EEF1A1: variants seen among roughly 807,000 people sequenced by gnomAD.
The protein encoded by EEF1A1 is elongation factor 1-alpha 1.
EEF1A1 carries 1 observed loss-of-function variant against 38.5 expected under a neutral mutation model. The observed-to-expected ratio is 0.03, with a 90% CI of 0.01 to 0.12. EEF1A1 has a LOEUF of 0.12. Ranked by LOEUF, EEF1A1 falls within the 10% of genes least tolerant of loss-of-function variation. The pLI is 1.00. For synonymous variants in EEF1A1, 229 were observed against 203.7 expected (o/e 1.12, Z -1.06); for missense variants, 184 against 588.3 (o/e 0.31, Z 7.11).
Position 73,519,448 on chromosome 6 carries a change from G to A in EEF1A1, c.213C>T (p.Ile71=), listed in dbSNP as rs764885926. 5.0e-6 allele frequency: 8 copies of A among 1,602,832 alleles called. No homozygotes were observed. Among genetic ancestry groups the A allele is most frequent in the Non-Finnish European group, 1.7e-6 (2 of 1,179,538 alleles). Reference sequence around the variant, plus strand: ...ATTTCCACAAGGAGATATCAATGGTGATACCACGTTCACGCTCAGCTTTCA... The same window carrying A: ...ATTTCCACAAGGAGATATCAATGGTAATACCACGTTCACGCTCAGCTTTCA... ...DKLKAERERG[I]TIDISLWKFE... is the part of the protein sequence containing the mutation. The change falls in exon 3 of 8, where the codon ATC becomes ATT. Residue 71 remains isoleucine (I), a synonymous_variant. Transcript: ENST00000309268.
intron 2 of EEF1A1, 132 bp from the exon 3 acceptor site, chr6:73,519,648 T>C (rs1327378328): frequency 9.8e-6 from 12 of 1,223,242 alleles, no homozygotes; most frequent in Non-Finnish European, 1.4e-5. Flanking sequence ...CACTTTGGGT[T>C]ACAGAAGCAA....
At chr6:73,520,778 A>AT (rs1711093987) in intron 1 of EEF1A1, 1 of 152,358 alleles carries the variant, frequency 6.6e-6, no homozygotes, top group Admixed American at 6.5e-5. Flanking sequence ...GTGCCACCAG[A>AT]TTCGCACGCG....
In EEF1A1 at chr6:73,519,531, A is replaced by T. The variant is rs755440209; in HGVS notation, c.145-15T>A. ...CCCTTTCCCATCTGTAAGGATTAAG[A>T]GTCGTTACTTGGTTACTAAAACACA... On this transcript the variant is annotated splice_polypyrimidine_tract_variant and intron_variant, in intron 2 of 7. Transcript: ENST00000309268. The T allele has an allele frequency of 3.2e-6, 5 of 1,579,338 alleles. No individual in the cohort carries two copies. The highest frequency in any genetic ancestry group is 4.3e-6 in the Non-Finnish European group (5 of 1,167,290).
rs188709185 is a variant in EEF1A1 at position 73,519,299 on chromosome 6, T to C, written c.324+38A>G. ...AAAACCAGTGTACAAAGCAAGCCTT[T>C]TGGGATAAAGAAACCTAGAATTATT... is the stretch of plus-strand genomic sequence containing the variant. On this transcript the variant is annotated intron_variant, in intron 3 of 7. Transcript: ENST00000309268. The C allele has an allele frequency of 4.5e-4, 723 of 1,606,838 alleles. 7 individuals carry two copies. Among genetic ancestry groups the C allele is most frequent in the East Asian group, 6.7e-5 (3 of 44,704 alleles).
rs1339491409 is a variant in EEF1A1, at chr6:73,516,831, C to T, written c.*979G>A. ...AAGTGGGCTATTACACCTGTTAAGC[C>T]TATTACCATGTAGTTTCATTCCTAG... On this transcript the variant is annotated 3_prime_UTR_variant, in exon 8 of 8. Transcript: ENST00000309268. 6.6e-6 allele frequency: 1 copy of T among 152,150 alleles called. No individual in the cohort carries two copies. The highest frequency in any genetic ancestry group is 2.4e-5 in the African/African-American group (1 of 41,436). 9.4% of individuals were successfully genotyped at this position (152,150 alleles called of 1,614,324 possible).
chr6:73,517,107 CTTA>C lies in EEF1A1; in HGVS notation c.*700_*702del, dbSNP rs1765537536. 6.6e-6 allele frequency: 1 copy of C among 152,260 alleles called. No homozygotes were observed. The highest frequency in any genetic ancestry group is 2.4e-5 in the African/African-American group (1 of 41,452). The allele number at this position is 152,260 out of a possible 1,614,324, so 9.4% of individuals were successfully genotyped here. Reference sequence around the variant, plus strand: ...TGTACACTAGCCACTACACTTATTTCTTATGTCATGGCAAATAGTCAACTTTCA... The same window carrying C: ...TGTACACTAGCCACTACACTTATTTCTGTCATGGCAAATAGTCAACTTTCA... On this transcript the variant is annotated 3_prime_UTR_variant, in exon 8 of 8. Coordinates refer to ENST00000309268, the MANE Select transcript of EEF1A1 (RefSeq NM_001402.6).
At position 73,517,807 on chromosome 6, in the gene EEF1A1, T is replaced by C. The variant is rs1765558684; in HGVS notation, c.*3A>G. Reference sequence around the variant, plus strand: ...GTGGGGTGGCAGGTATTAGGGATAATATTCATTTAGCCTTCTGAGCTTTCT... The same window carrying C: ...GTGGGGTGGCAGGTATTAGGGATAACATTCATTTAGCCTTCTGAGCTTTCT... On this transcript the variant is annotated 3_prime_UTR_variant, in exon 8 of 8. Coordinates refer to ENST00000309268, the MANE Select transcript of EEF1A1 (RefSeq NM_001402.6). The C allele has an allele frequency of 5.3e-6, 8 of 1,506,740 alleles. No individual in the cohort carries two copies. Among genetic ancestry groups the C allele is most frequent in the Non-Finnish European group, 6.4e-6 (7 of 1,093,854 alleles). The allele number at this position is 1,506,740 out of a possible 1,614,324, so 93.3% of individuals were successfully genotyped here. A position where few individuals can be genotyped will look rare whatever the true frequency, so the allele number is the denominator to read the frequency against.
rs570141088 is a variant in EEF1A1 at position 73,516,986 on chromosome 6, C to T, written c.*824G>A. The T allele has an allele frequency of 2.6e-5, 4 of 152,136 alleles. No individual in the cohort carries two copies. The highest frequency in any genetic ancestry group is 9.7e-5 in the African/African-American group (4 of 41,416). 9.4% of individuals were successfully genotyped at this position (152,136 alleles called of 1,614,324 possible). On this transcript the variant is annotated 3_prime_UTR_variant, in exon 8 of 8. Coordinates refer to ENST00000309268, the MANE Select transcript of EEF1A1 (RefSeq NM_001402.6). The stretch of plus-strand genomic sequence containing the variant: ...CATCTTTTTCTATTAGAACCTTGTT[C>T]CTATTCTGAATAGCACTCAATAGAA...
Position 73,518,463 on chromosome 6 carries a change from T to C in EEF1A1, c.920A>G (p.Asn307Ser), listed in dbSNP as rs774576189. ...CACATTCTTGACATTGAAGCCCACATTGTCCCCAGGAAGAGCTTCACTCAA... is the reference window on the plus strand; with the variant it reads ...CACATTCTTGACATTGAAGCCCACACTGTCCCCAGGAAGAGCTTCACTCAA... ...EALSEALPGDNVGFNVKNVSV... is the reference protein window; with the variant it reads ...EALSEALPGDSVGFNVKNVSV... The change falls in exon 6 of 8, where the codon AAT becomes AGT. Residue 307 changes from asparagine to serine, a missense_variant. By Grantham distance (46) the Asn-to-Ser change is conservative. Coordinates refer to ENST00000309268, the MANE Select transcript of EEF1A1 (RefSeq NM_001402.6). The C allele has an allele frequency of 1.1e-5, 18 of 1,613,768 alleles. No homozygotes were observed. The highest frequency in any genetic ancestry group is 6.7e-5 in the East Asian group (3 of 44,890).
chr6:73,519,303 G>T (rs1020098211), intron 3 of EEF1A1, 34 bp downstream of exon 3: 9 of 1,606,600 alleles, frequency 5.6e-6, no homozygotes, highest in Middle Eastern at 1.7e-4. Flanking sequence ...AGCCTTTTGG[G>T]ATAAAGAAAC....
chr6:73,518,689 C>T lies in EEF1A1; in HGVS notation c.772+9G>A, dbSNP rs146476537. On this transcript the variant is annotated intron_variant, in intron 5 of 7. Coordinates refer to ENST00000309268, the MANE Select transcript of EEF1A1 (RefSeq NM_001402.6). The stretch of plus-strand genomic sequence containing the variant: ...AACTCAAATTCAACTTTGTTTACAG[C>T]CAACTTACCACCAATTTTGTAGACA... The T allele has an allele frequency of 6.7e-4, 1,087 of 1,613,788 alleles. 6 individuals are homozygous for T. In the African/African-American group the frequency reaches 0.013, roughly 19 times the overall value.
At chr6:73,518,005 T>G (rs776207569) in intron 7 of EEF1A1, 25 bp downstream of exon 7, 65 of 1,609,466 alleles carry the variant, frequency 4.0e-5, no homozygotes, top group Middle Eastern at 1.7e-4. Context: ...ACACAACTTT[T>G]TTACATTTAA....
chr6:73,519,666 T>C (rs1433844908), intron 2 of EEF1A1, 150 bp from the exon 3 acceptor site: 4 of 1,171,292 alleles, frequency 3.4e-6, no homozygotes, highest in Middle Eastern at 2.0e-4. Flanking sequence ...CAACCAAAAA[T>C]CAAACTTTTA....
rs751181708 is a variant in EEF1A1, at chr6:73,518,531, G to A, written c.852C>T (p.Asn284=). 35 of 1,613,922 alleles carry A rather than the reference G, an allele frequency of 2.2e-5. No individual in the cohort carries two copies. In the East Asian group the frequency reaches 3.8e-4, roughly 17 times the overall value. The change falls in exon 6 of 8, where the codon AAC becomes AAT. Residue 284 remains asparagine (N), a synonymous_variant. Transcript: ENST00000309268. ...PGMVVTFAPV[N]VTTEVKSVEM... Reference sequence around the variant, plus strand: ...CGACAGATTTTACTTCCGTTGTAACGTTGACTGGAGCAAAGGTGACCACCA... The same window carrying A: ...CGACAGATTTTACTTCCGTTGTAACATTGACTGGAGCAAAGGTGACCACCA...
intron 2 of EEF1A1, 135 bp downstream of exon 2, chr6:73,519,748 A>G: frequency 7.2e-7 from 1 of 1,390,002 alleles, no homozygotes; most frequent in Non-Finnish European, 9.7e-7. Context: ...ACCAAAAGCA[A>G]AATTATTTCA....
Position 73,518,346 on chromosome 6 carries a change from A to C in EEF1A1, c.1029+8T>G. The C allele has an allele frequency of 1.2e-6, 2 of 1,612,638 alleles. No individual in the cohort carries two copies. Among genetic ancestry groups the C allele is most frequent in the Non-Finnish European group, 1.7e-6 (2 of 1,179,258 alleles). Reference sequence around the variant, plus strand: ...CTGCAATAAGTTAATGTTACTTTAAATTGTTACCTGAGCAGTGAAGCCAGC... The same window carrying C: ...CTGCAATAAGTTAATGTTACTTTAACTTGTTACCTGAGCAGTGAAGCCAGC... On this transcript the variant is annotated splice_region_variant and intron_variant, in intron 6 of 7. Transcript: ENST00000309268.
chr6:73,518,573 A>G lies in EEF1A1; in HGVS notation c.810T>C (p.Gly270=), dbSNP rs757279395. 3.1e-6 allele frequency: 5 copies of G among 1,613,678 alleles called. No individual in the cohort carries two copies. The Admixed American group carries it at 6.7e-5, about 22-fold the overall frequency. Residue 270 remains glycine, a synonymous_variant, in exon 6 of 8, where the codon GGT becomes GGC. Coordinates refer to ENST00000309268, the MANE Select transcript of EEF1A1 (RefSeq NM_001402.6). ...GTVPVGRVET[G]VLKPGMVVTF... is the part of the protein sequence containing the mutation. ...TGACCACCATACCGGGTTTGAGAAC[A>G]CCAGTCTCCACTCGGCCAACAGGAA...
In EEF1A1 at chr6:73,517,556, C is replaced by T. The variant is rs1162112269; in HGVS notation, c.*254G>A. The T allele has an allele frequency of 7.8e-6, 3 of 385,512 alleles. No individual in the cohort carries two copies. The highest frequency in any genetic ancestry group is 1.4e-5 in the Non-Finnish European group (3 of 216,738). 23.9% of individuals were successfully genotyped at this position (385,512 alleles called of 1,614,324 possible). On this transcript the variant is annotated 3_prime_UTR_variant, in exon 8 of 8. Coordinates refer to ENST00000309268, the MANE Select transcript of EEF1A1 (RefSeq NM_001402.6). The stretch of plus-strand genomic sequence containing the variant: ...TTTAATGGGTCTCAAAATTCTGTGA[C>T]AAATTTTTGGTCAAGTTGTTTCCAT...
At chr6:73,520,122 C>A in intron 1 of EEF1A1, 66 bp from the exon 2 acceptor site, 1 of 1,436,290 alleles carries the variant, frequency 7.0e-7, no homozygotes, top group East Asian at 2.3e-5. Context: ...GATCCAAACT[C>A]AAAAAGGGCA....
Sources: gnomAD v4.1 joint callset for allele counts on GRCh38, gnomAD v4.1.1 for gene constraint, MANE v1.5 for transcripts, NCBI Gene and HGNC (gene_info 2026-07-23, HGNC 2026-07-21) for gene names.